SORBS2: variants seen among roughly 807,000 people sequenced by gnomAD.
SORBS2 encodes sorbin and SH3 domain containing 2.
SORBS2 carries 46 observed loss-of-function variants against 97.7 expected under a neutral mutation model. The ratio of observed to expected loss-of-function variants is 0.47; its 90% CI spans 0.37 to 0.60. SORBS2 has a LOEUF of 0.60. SORBS2 is among the 20% of genes least tolerant of loss of function. SORBS2 has a pLI of 0.00. For missense variants in SORBS2, 1,316 were observed against 1,282.3 expected (o/e 1.03, Z -0.40); for synonymous variants, 476 against 473.4 (o/e 1.01, Z -0.07).
At chr4:185,858,444 T>G (rs2099221904) in intron 1 of SORBS2, among the ~76,000 whole-genome samples, 1 of 152,220 alleles carries the variant, frequency 6.6e-6, no homozygotes, top group African/African-American at 2.4e-5. Flanking sequence ...CACTTAATTT[T>G]GTATTTTTAA....
At chr4:185,847,085 A>G (rs1483524033) in intron 1 of SORBS2, among the ~76,000 whole-genome samples, 2 of 152,144 alleles carry the variant, frequency 1.3e-5, no homozygotes, top group Admixed American at 1.3e-4. Flanking sequence ...AGGATAAAAC[A>G]ATTAGATAAC....
chr4:185,752,676 T>C (rs1028398886), intron 2 of SORBS2, among the ~76,000 whole-genome samples: 10 of 152,364 alleles, frequency 6.6e-5, no homozygotes, highest in South Asian at 2.1e-4. Flanking sequence ...AGCAATGACA[T>C]GCTAAGCACA....
At chr4:185,773,596 G>T (rs2098984414) in intron 2 of SORBS2, 1 of 152,246 alleles carries the variant, frequency 6.6e-6, no homozygotes, top group Non-Finnish European at 1.5e-5. Flanking sequence ...CTGCGTCAGC[G>T]CTGAGGAGCT....
At chr4:185,720,713 C>A (rs1454496467) in intron 2 of SORBS2, among the ~76,000 whole-genome samples, 1 of 152,096 alleles carries the variant, frequency 6.6e-6, no homozygotes, top group East Asian at 1.9e-4. Flanking sequence ...GGTTTGGAGA[C>A]CTTGAGGATG....
chr4:185,650,441 G>T lies in SORBS2; in HGVS notation c.92-785C>A, dbSNP rs79362471. 4.0e-3 allele frequency among the ~76,000 whole-genome samples: 607 copies of T among 152,244 alleles called. 4 individuals are homozygous for T. Among genetic ancestry groups the T allele is most frequent in the African/African-American group, 0.014 (596 of 41,538 alleles). On this transcript the variant is annotated intron_variant, in intron 2 of 14. Coordinates refer to ENST00000418609, the Ensembl canonical transcript of SORBS2. ...AAGGTGTGAAGCCATGGCTTGCACGGTTAGTAGAGAGCAAAGAGACTAGCT... is the reference window on the plus strand; with the variant it reads ...AAGGTGTGAAGCCATGGCTTGCACGTTTAGTAGAGAGCAAAGAGACTAGCT...
intron 2 of SORBS2, among the ~76,000 whole-genome samples, chr4:185,724,934 T>C (rs763888323): frequency 6.6e-6 from 1 of 152,252 alleles, no homozygotes; most frequent in Non-Finnish European, 1.5e-5. Flanking sequence ...CCGCAGCATC[T>C]GTGAGATTAA....
chr4:185,657,675 T>C (rs2097430947), upstream of SORBS2: 4 of 1,301,918 alleles, frequency 3.1e-6, no homozygotes, highest in Admixed American at 2.2e-5. Flanking sequence ...TGTATATTTA[T>C]GCCAACTGTA....
intron 14 of SORBS2, chr4:185,587,932 A>C: frequency 2.3e-6 from 1 of 436,088 alleles, no homozygotes; most frequent in Non-Finnish European, 4.1e-6. Context: ...GCTAAACAGA[A>C]ATGCTGAGCC....
chr4:185,603,694 G>A (rs2096331301), intron 12 of SORBS2, among the ~76,000 whole-genome samples: 1 of 152,172 alleles, frequency 6.6e-6, no homozygotes, highest in Admixed American at 6.5e-5. Flanking sequence ...GAACATAGAA[G>A]GAAAACATTT....
At chr4:185,750,952 A>G (rs972320892) in intron 2 of SORBS2, among the ~76,000 whole-genome samples, 12 of 152,026 alleles carry the variant, frequency 7.9e-5, no homozygotes, top group African/African-American at 2.7e-4. Flanking sequence ...AATAGCATTC[A>G]AATGTACATG....
Position 185,677,660 on chromosome 4 carries a change from G to A in SORBS2, c.-46+763C>T, listed in dbSNP as rs746086760. On this transcript the variant is annotated intron_variant, in intron 4 of 20. Coordinates refer to the SORBS2 transcript ENST00000284776. ...GTGCCTGGATTGACAATGGGATCCA[G>A]AGAAAGAAATAAAGTTGAAAGAAAA... 161 of 1,466,452 alleles carry A rather than the reference G, an allele frequency of 1.1e-4. No individual in the cohort carries two copies. In the South Asian group the frequency reaches 2.0e-3, roughly 18 times the overall value. 90.8% of individuals were successfully genotyped at this position (1,466,452 alleles called of 1,614,324 possible). A position where few individuals can be genotyped will look rare whatever the true frequency, so the allele number is the denominator to read the frequency against.
intron 12 of SORBS2, among the ~76,000 whole-genome samples, chr4:185,610,522 C>G (rs1291851868): frequency 1.3e-5 from 2 of 152,058 alleles, no homozygotes; most frequent in Non-Finnish European, 2.9e-5. Context: ...GCAACTGAAA[C>G]TCAGTCTTCA....
chr4:185,879,165 T>TA (rs1554045422), intron 1 of SORBS2, among the ~76,000 whole-genome samples: 3 of 57,150 alleles, frequency 5.2e-5, no homozygotes, highest in African/African-American at 2.0e-4. Context: ...ATGCTATCCC[T>TA]CCCCCCCCCC....
chr4:185,833,274 C>T (rs1434794506), intron 1 of SORBS2, among the ~76,000 whole-genome samples: 2 of 152,210 alleles, frequency 1.3e-5, no homozygotes, highest in South Asian at 2.1e-4. Flanking sequence ...AACTGATCAG[C>T]TTATCCACAG....
At chr4:185,865,532 T>C (rs1262741504) in intron 1 of SORBS2, among the ~76,000 whole-genome samples, 1 of 152,162 alleles carries the variant, frequency 6.6e-6, no homozygotes, top group Admixed American at 6.5e-5. Context: ...CCTGAAAGAC[T>C]TAGGAGATCT....
At chr4:185,600,570 C>A (rs559603862) in intron 12 of SORBS2, among the ~76,000 whole-genome samples, 6 of 152,274 alleles carry the variant, frequency 3.9e-5, no homozygotes, top group Non-Finnish European at 8.8e-5. Context: ...AACTCCTGAC[C>A]TCAAGTGATC....
intron 1 of SORBS2, among the ~76,000 whole-genome samples, chr4:185,885,315 C>CATA (rs1410788435): frequency 6.6e-6 from 1 of 152,196 alleles, no homozygotes; most frequent in East Asian, 1.9e-4. Context: ...TGAAATACGA[C>CATA]ATAGCACCCC....
At chr4:185,727,190 T>C (rs902324561) in intron 2 of SORBS2, among the ~76,000 whole-genome samples, 4 of 152,222 alleles carry the variant, frequency 2.6e-5, no homozygotes, top group African/African-American at 9.6e-5. Flanking sequence ...TCAACCTACA[T>C]TGATGTGATC....
At chr4:185,715,790 A>G (rs889497284) in intron 2 of SORBS2, among the ~76,000 whole-genome samples, 1 of 152,264 alleles carries the variant, frequency 6.6e-6, no homozygotes, top group Non-Finnish European at 1.5e-5. Context: ...GCTTAAAGAC[A>G]GAGGTCATAA....
Sources: gnomAD v4.1 joint callset for allele counts (sites outside exome capture counted in the v4.1 genomes callset) on GRCh38, gnomAD v4.1.1 for gene constraint, MANE v1.5 for transcripts, NCBI Gene and HGNC (gene_info 2026-07-23, HGNC 2026-07-21) for gene names.